RNF168: variants seen among roughly 807,000 people sequenced by gnomAD.
RNF168 encodes the protein E3 ubiquitin-protein ligase RNF168.
Under a neutral mutation model 34.9 loss-of-function variants are expected in RNF168, and 34 were observed. That is an observed-to-expected ratio of 0.97 (90% confidence interval 0.74 to 1.30). RNF168 has a LOEUF of 1.30. Ranked by LOEUF, RNF168 falls within the 50% of genes most tolerant of loss-of-function variation. RNF168 has a pLI of 0.00. For synonymous variants in RNF168, 264 were observed against 254.7 expected, an observed-to-expected ratio of 1.04 and a Z score of -0.35; for missense variants, 725 against 682.5, an observed-to-expected ratio of 1.06 and a Z score of -0.69.
In RNF168 at chr3:196,502,860, A is replaced by G; in HGVS notation, c.301+13T>C. 6.2e-7 allele frequency: 1 copy of G among 1,610,984 alleles called. No homozygotes were observed. Among genetic ancestry groups the G allele is most frequent in the Non-Finnish European group, 8.5e-7 (1 of 1,177,182 alleles). ...GCGGCTTTTGGCCAACAAACACGCCATGGTTTACTCACCCACTTCCTCTGA... is the reference window on the plus strand; with the variant it reads ...GCGGCTTTTGGCCAACAAACACGCCGTGGTTTACTCACCCACTTCCTCTGA... On this transcript the variant is annotated intron_variant, in intron 1 of 5. Transcript: ENST00000318037.
At chr3:196,490,457 C>T (rs991762869) in intron 1 of RNF168, among the ~76,000 whole-genome samples, 3 of 151,992 alleles carry the variant, frequency 2.0e-5, no homozygotes, top group East Asian at 1.9e-4. Context: ...AATCCAGAGG[C>T]GGCAGGGGTG....
At chr3:196,500,503 G>C (rs1002938072) in intron 1 of RNF168, among the ~76,000 whole-genome samples, 1 of 152,066 alleles carries the variant, frequency 6.6e-6, no homozygotes, top group African/African-American at 2.4e-5. Context: ...GGGATAGTAG[G>C]AGGGAGGAAC....
chr3:196,471,131 G>C lies in RNF168; in HGVS notation c.*688C>G, dbSNP rs1731989137. The C allele has an allele frequency of 7.0e-6, 1 of 142,480 alleles. No individual in the cohort carries two copies. The highest frequency in any genetic ancestry group is 1.5e-5 in the Non-Finnish European group (1 of 66,378). The allele number at this position is 142,480 out of a possible 1,614,324, so 8.8% of individuals were successfully genotyped here. ...GAATCGCTTGAACTCGGGAGGCGGA[G>C]GTTGCAGTGAGCTGAGATCGCGCCA... On this transcript the variant is annotated 3_prime_UTR_variant, in exon 6 of 6. Coordinates refer to ENST00000318037, the MANE Select transcript of RNF168 (RefSeq NM_152617.4).
chr3:196,496,327 T>C (rs940245890), intron 1 of RNF168, among the ~76,000 whole-genome samples: 1 of 152,198 alleles, frequency 6.6e-6, no homozygotes, highest in African/African-American at 2.4e-5. Flanking sequence ...TCCTTGCCTC[T>C]TCCTTGCTTC....
chr3:196,482,179 C>A (rs951604998), intron 4 of RNF168, among the ~76,000 whole-genome samples: 1 of 152,106 alleles, frequency 6.6e-6, no homozygotes, highest in Non-Finnish European at 1.5e-5. Flanking sequence ...AGTTTTCATG[C>A]ATATTTTCAG....
In RNF168 at chr3:196,502,921, G is replaced by A; in HGVS notation, c.253C>T (p.Pro85Ser). Residue 85 changes from proline (P) to serine (S), a missense_variant, in exon 1 of 6, where the codon CCC becomes TCC. Pro to Ser is a moderately conservative substitution (Grantham distance 74). Coordinates refer to ENST00000318037, the MANE Select transcript of RNF168 (RefSeq NM_152617.4). Reference sequence around the variant, plus strand: ...GACGCTCTAAGCTTGCACTCCCTGGGATAGTGTTTTTGAATTATCGTCCAC... The same window carrying A: ...GACGCTCTAAGCTTGCACTCCCTGGAATAGTGTTTTTGAATTATCGTCCAC... ...ELWTIIQKHY[P>S]RECKLRASGQ... 3.1e-6 allele frequency: 5 copies of A among 1,614,076 alleles called. No homozygotes were observed. Among genetic ancestry groups the A allele is most frequent in the Non-Finnish European group, 4.2e-6 (5 of 1,179,962 alleles).
intron 5 of RNF168, 53 bp downstream of exon 5, chr3:196,475,178 T>C (rs1250506027): frequency 2.0e-6 from 2 of 987,744 alleles, no homozygotes; most frequent in African/African-American, 1.6e-5. Flanking sequence ...ATAGCACTAA[T>C]CTACAGCATT....
Position 196,483,811 on chromosome 3 carries a change from C to A in RNF168, c.639G>T (p.Lys213Asn). Residue 213 changes from lysine to asparagine, a missense_variant, in exon 4 of 6, where the codon AAG (lysine) becomes AAT (asparagine). Transcript: ENST00000318037. Reference sequence around the variant, plus strand: ...TGTTTCTTTGTTTGTTCTTACTTTTCTTTTCAGACTTGGGTGTAACTGGAT... The same window carrying A: ...TGTTTCTTTGTTTGTTCTTACTTTTATTTTCAGACTTGGGTGTAACTGGAT... ...KSDPVTPKSE[K>N]KSKNKQRNTG... 6.2e-7 allele frequency: 1 copy of A among 1,610,116 alleles called. No individual in the cohort carries two copies. Among genetic ancestry groups the A allele is most frequent in the Non-Finnish European group, 8.5e-7 (1 of 1,176,646 alleles).
rs755261571 is a variant in RNF168, at chr3:196,488,674, T to G, written c.311A>C (p.Tyr104Ser). ...GQESEEVADD[Y>S]QPVRLLSKPG... ...TTTACTGAGCAGACGAACTGGCTGA[T>G]AGTCATCAGCTATTTCATATCAAAA... Residue 104 changes from tyrosine (Y) to serine (S), a missense_variant, in exon 2 of 6, where the codon TAT becomes TCT. Transcript: ENST00000318037. 2.5e-6 allele frequency: 4 copies of G among 1,599,080 alleles called. No homozygotes were observed. Among genetic ancestry groups the G allele is most frequent in the Middle Eastern group, 1.7e-4 (1 of 6,022 alleles).
In RNF168 at chr3:196,487,408, GC is replaced by G. The variant is rs1732481753; in HGVS notation, c.548del (p.Ser183ThrfsTer17). 6.2e-7 allele frequency: 1 copy of G among 1,613,580 alleles called. No individual in the cohort carries two copies. Among genetic ancestry groups the G allele is most frequent in the African/African-American group, 1.3e-5 (1 of 74,932 alleles). On this transcript the variant is annotated frameshift_variant, in exon 3 of 6. Coordinates refer to ENST00000318037, the MANE Select transcript of RNF168 (RefSeq NM_152617.4). LOFTEE classifies it high-confidence loss of function. ...KSDEELARKL[S>X]IDINNFCEGS... Reference sequence around the variant, plus strand: ...CCCTCCTAAAACTTACAATATCAATGCTTAGCTTTCTTGCCAGTTCCTCATC... The same window carrying G: ...CCCTCCTAAAACTTACAATATCAATGTTAGCTTTCTTGCCAGTTCCTCATC...
intron 1 of RNF168, among the ~76,000 whole-genome samples, chr3:196,489,745 G>C (rs541127613): frequency 3.9e-5 from 6 of 152,326 alleles, no homozygotes; most frequent in Non-Finnish European, 7.4e-5. Context: ...AGCTGAGGTA[G>C]AATTAGAAGG....
chr3:196,487,520 ATG>A lies in RNF168; in HGVS notation c.435_436del (p.Ile146ThrfsTer29), dbSNP rs1221019741. On this transcript the variant is annotated frameshift_variant, in exon 3 of 6. Coordinates refer to ENST00000318037, the MANE Select transcript of RNF168 (RefSeq NM_152617.4). LOFTEE classifies it high-confidence loss of function. ...TTCCTCCTCTGCCAACAACCTCTGT[ATG>A]TATTCTTCACTGGCTTTGTTTTCTT... is the stretch of plus-strand genomic sequence containing the variant. The A allele has an allele frequency of 1.2e-6, 2 of 1,613,812 alleles. No homozygotes were observed. Among genetic ancestry groups the A allele is most frequent in the Admixed American group, 1.7e-5 (1 of 59,980 alleles).
intron 4 of RNF168, 36 bp downstream of exon 4, chr3:196,483,731 TAGG>T (rs1732350202): frequency 1.3e-6 from 2 of 1,564,886 alleles, no homozygotes; most frequent in Admixed American, 3.3e-5. Context: ...TGGCATACAG[TAGG>T]AGGTCAACAA....
chr3:196,493,806 G>A (rs1367952993), intron 1 of RNF168, among the ~76,000 whole-genome samples: 2 of 151,598 alleles, frequency 1.3e-5, no homozygotes. Flanking sequence ...ACAGGTGTGA[G>A]CCACCGTGCC....
Position 196,503,368 on chromosome 3 carries a change from T to C in RNF168, c.-195A>G, listed in dbSNP as rs1226982732. 4.9e-6 allele frequency: 3 copies of C among 614,262 alleles called. No individual in the cohort carries two copies. Among genetic ancestry groups the C allele is most frequent in the Non-Finnish European group, 8.7e-6 (3 of 345,352 alleles). 38.1% of individuals were successfully genotyped at this position (614,262 alleles called of 1,614,324 possible). On this transcript the variant is annotated 5_prime_UTR_variant, in exon 1 of 6. Transcript: ENST00000318037. ...GCTCTCAGGGTCAGGCAAACAGGAA[T>C]ACCCCGGAGGGCGGCGTCTTTGTCC...
chr3:196,488,333 T>G (rs1409935068), intron 2 of RNF168, among the ~76,000 whole-genome samples: 1 of 151,794 alleles, frequency 6.6e-6, no homozygotes, highest in Non-Finnish European at 1.5e-5. Context: ...TACAAAAAAA[T>G]TAGCCAGGCG....
At chr3:196,477,804 C>G (rs373706496) in intron 4 of RNF168, among the ~76,000 whole-genome samples, 1 of 152,300 alleles carries the variant, frequency 6.6e-6, no homozygotes, top group East Asian at 1.9e-4. Flanking sequence ...ATAAGCAGAA[C>G]TGGCCGTGGT....
At chr3:196,482,550 A>AG (rs1732323013) in intron 4 of RNF168, among the ~76,000 whole-genome samples, 1 of 152,204 alleles carries the variant, frequency 6.6e-6, no homozygotes, top group Non-Finnish European at 1.5e-5. Context: ...ATACCACTTT[A>AG]CATTCCTACC....
chr3:196,489,832 G>A (rs1267762358), intron 1 of RNF168, among the ~76,000 whole-genome samples: 2 of 152,126 alleles, frequency 1.3e-5, no homozygotes, highest in Non-Finnish European at 2.9e-5. Context: ...AACAGAACTC[G>A]AGATTTATAA....
Sources: gnomAD v4.1 joint callset for allele counts (sites outside exome capture counted in the v4.1 genomes callset) on GRCh38, gnomAD v4.1.1 for gene constraint, MANE v1.5 for transcripts, NCBI Gene and HGNC (gene_info 2026-07-23, HGNC 2026-07-21) for gene names.